Variants in TKTL1 observed in about 807,000 individuals in gnomAD.
The protein encoded by TKTL1 is transketolase-like protein 1.
Under a neutral mutation model 39.3 loss-of-function variants are expected in TKTL1, and 1 was observed. The observed-to-expected ratio is 0.03, with a 90% CI of 0.01 to 0.12. TKTL1 has a LOEUF of 0.12. TKTL1 is among the 10% of genes least tolerant of loss of function. The pLI is 1.00. For missense variants in TKTL1, 575 were observed against 509.6 expected, an observed-to-expected ratio of 1.13 and a Z score of -1.24; for synonymous variants, 262 against 193.8, an observed-to-expected ratio of 1.35 and a Z score of -2.92.
intron 10 of TKTL1, chrX:154,327,172 T>G: frequency 3.8e-6 from 1 of 261,886 alleles, no homozygotes; most frequent in Non-Finnish European, 7.2e-6. Context: ...TGCTCTGAGA[T>G]TTGCTTTCCT....
At chrX:154,303,523 G>A (rs1185786833) in intron 1 of TKTL1, among the ~76,000 whole-genome samples, 11 of 101,001 alleles carry the variant, frequency 1.1e-4, no homozygotes, top group Non-Finnish European at 1.8e-4. Context: ...GAGCCCCCAC[G>A]CCTGGCCTCT....
chrX:154,305,167 C>A, intron 1 of TKTL1, 137 bp from the exon 2 acceptor site: 1 of 1,178,067 alleles, frequency 8.5e-7, no homozygotes, highest in Middle Eastern at 2.6e-4. Flanking sequence ...ACCTGTGAGC[C>A]CTGCATTCCT....
At chrX:154,324,476 T>C (rs1465424236) in intron 9 of TKTL1, among the ~76,000 whole-genome samples, 4 of 112,398 alleles carry the variant, frequency 3.6e-5, no homozygotes, top group Admixed American at 2.8e-4. Flanking sequence ...TCTTGGAGAT[T>C]GTTCTGTGAT....
At chrX:154,309,518 C>T (rs2067339683) in intron 3 of TKTL1, 76 bp downstream of exon 3, 4 of 886,482 alleles carry the variant, frequency 4.5e-6, no homozygotes, top group Non-Finnish European at 6.5e-6. Flanking sequence ...GGGCAGCCAC[C>T]TATCTCCGTG....
intron 3 of TKTL1, 24 bp from the exon 4 acceptor site, chrX:154,310,812 T>A (rs2067350879): frequency 8.3e-7 from 1 of 1,198,122 alleles, no homozygotes; most frequent in East Asian, 3.0e-5. Flanking sequence ...CACAGGGTCC[T>A]AAACCTCTCT....
chrX:154,295,814 C>T lies in TKTL1; in HGVS notation c.-46C>T. The T allele has an allele frequency of 8.4e-7, 1 of 1,192,730 alleles. No individual in the cohort carries two copies. The highest frequency in any genetic ancestry group is 1.1e-6 in the Non-Finnish European group (1 of 884,518). On this transcript the variant is annotated 5_prime_UTR_variant, in exon 1 of 13. Coordinates refer to ENST00000369915, the MANE Select transcript of TKTL1 (RefSeq NM_012253.4). ...GCAGGCGCCATTCGCTCTTCAGACG[C>T]CGGAGACGTAGGAGTGGGTCTTCAG...
At chrX:154,308,118 A>G (rs1162753251) in intron 2 of TKTL1, among the ~76,000 whole-genome samples, 4 of 111,997 alleles carry the variant, frequency 3.6e-5, no homozygotes, top group Non-Finnish European at 7.5e-5. Context: ...CTTTTAAGTC[A>G]ATAGATGGAG....
rs781802203 is a variant in TKTL1 at position 154,327,926 on chromosome X, G to A, written c.1586G>A (p.Arg529Gln). 12 of 1,211,669 alleles carry A rather than the reference G, an allele frequency of 9.9e-6. No homozygotes were observed. The highest frequency in any genetic ancestry group is 3.5e-5 in the South Asian group (2 of 56,978). ...IVSSAKATEG[R>Q]IITVEDHYPQ... is the part of the protein sequence containing the mutation. ...TCCAGTGCAAAAGCCACAGAGGGCCGGATCATTACAGTGGAGGATCACTAC... is the reference window on the plus strand; with the variant it reads ...TCCAGTGCAAAAGCCACAGAGGGCCAGATCATTACAGTGGAGGATCACTAC... Residue 529 changes from arginine to glutamine, a missense_variant, in exon 12 of 13, where the codon CGG becomes CAG. By Grantham distance (43) the Arg-to-Gln change is conservative (BLOSUM62 1). Coordinates refer to ENST00000369915, the MANE Select transcript of TKTL1 (RefSeq NM_012253.4).
At chrX:154,318,132 A>G (rs1228231422) in intron 7 of TKTL1, among the ~76,000 whole-genome samples, 1 of 110,953 alleles carries the variant, frequency 9.0e-6, no homozygotes, top group Non-Finnish European at 1.9e-5. Flanking sequence ...GCAGTGGCAC[A>G]ATCATGGCTC....
chrX:154,325,907 G>T (rs138412245), intron 10 of TKTL1, among the ~76,000 whole-genome samples: 1 of 111,696 alleles, frequency 9.0e-6, no homozygotes, highest in African/African-American at 3.3e-5. Flanking sequence ...ATAGAGGAGC[G>T]CAGGAATTCA....
chrX:154,311,378 C>A, intron 5 of TKTL1, 140 bp downstream of exon 5: 1 of 846,029 alleles, frequency 1.2e-6, no homozygotes, highest in Non-Finnish European at 1.7e-6. Context: ...ATGTTGGAGG[C>A]TCCTGCTCTC....
At chrX:154,301,772 TA>T (rs1306166346) in intron 1 of TKTL1, among the ~76,000 whole-genome samples, 2 of 107,435 alleles carry the variant, frequency 1.9e-5, no homozygotes, top group African/African-American at 6.8e-5. Context: ...TTTTTTTTTT[TA>T]GTAGAGACGG....
chrX:154,312,567 T>C lies in TKTL1; in HGVS notation c.671-13T>C. 8.3e-7 allele frequency: 1 copy of C among 1,197,667 alleles called. No individual in the cohort carries two copies. Among genetic ancestry groups the C allele is most frequent in the Non-Finnish European group, 1.1e-6 (1 of 887,068 alleles). On this transcript the variant is annotated splice_polypyrimidine_tract_variant and intron_variant, in intron 5 of 12. Transcript: ENST00000369915. ...ATTTATGGAATGGATGTCTTTTGTTTGTTTCATTACAGGTATTGAGGATGC... is the reference window on the plus strand; with the variant it reads ...ATTTATGGAATGGATGTCTTTTGTTCGTTTCATTACAGGTATTGAGGATGC...
chrX:154,310,074 G>A (rs1169077208), intron 3 of TKTL1, among the ~76,000 whole-genome samples: 1 of 111,694 alleles, frequency 9.0e-6, no homozygotes, highest in Non-Finnish European at 1.9e-5. Flanking sequence ...GTCGTTGGTT[G>A]TGGAGGAATT....
chrX:154,314,713 C>T (rs782632661), intron 6 of TKTL1, among the ~76,000 whole-genome samples: 3 of 110,755 alleles, frequency 2.7e-5, no homozygotes, highest in Admixed American at 9.7e-5. Flanking sequence ...TTAGTAGAGA[C>T]GGGGTTTCAC....
At chrX:154,299,240 C>T (rs1310757179) in intron 1 of TKTL1, among the ~76,000 whole-genome samples, 3 of 93,396 alleles carry the variant, frequency 3.2e-5, no homozygotes, top group Non-Finnish European at 4.1e-5. Flanking sequence ...ACCACAACCT[C>T]TGCCTCCCAG....
chrX:154,310,721 C>G, intron 3 of TKTL1, 115 bp from the exon 4 acceptor site: 1 of 628,664 alleles, frequency 1.6e-6, no homozygotes, highest in Non-Finnish European at 2.4e-6. Flanking sequence ...TTGTGGGAAG[C>G]GAATGGTCTG....
intron 1 of TKTL1, among the ~76,000 whole-genome samples, chrX:154,304,380 A>G (rs1557166680): frequency 1.8e-5 from 2 of 111,041 alleles, no homozygotes; most frequent in East Asian, 2.8e-4. Context: ...AAAACCATTC[A>G]TCAGTCACCT....
chrX:154,317,765 G>A (rs2067412867), intron 7 of TKTL1, among the ~76,000 whole-genome samples: 2 of 112,205 alleles, frequency 1.8e-5, no homozygotes, highest in African/African-American at 3.2e-5. Context: ...GGATGCCAAC[G>A]GCAGGTGTCA....
Sources: allele counts gnomAD v4.1 joint callset (sites outside exome capture counted in the v4.1 genomes callset), GRCh38; gene constraint gnomAD v4.1.1; transcripts MANE v1.5; gene names NCBI Gene and HGNC (gene_info 2026-07-23, HGNC 2026-07-21).